RAD18: variants seen among roughly 807,000 people sequenced by gnomAD.
RAD18 encodes the protein E3 ubiquitin-protein ligase RAD18.
In RAD18, 47 loss-of-function variants were observed where a neutral mutation model predicts 60.4. That is an observed-to-expected ratio of 0.78 (90% CI 0.62 to 0.99). The LOEUF (loss-of-function observed/expected upper bound fraction) is 0.99. Ranked by LOEUF, RAD18 falls within the 50% of genes least tolerant of loss-of-function variation. The pLI is 0.00. For synonymous variants in RAD18, 225 were observed against 195.5 expected (o/e 1.15, Z -1.26); for missense variants, 640 against 593.3 (o/e 1.08, Z -0.82).
At chr3:8,889,251 T>G (rs1939638942) in intron 12 of RAD18, among the ~76,000 whole-genome samples, 1 of 152,218 alleles carries the variant, frequency 6.6e-6, no homozygotes, top group African/African-American at 2.4e-5. Context: ...ACAATTAGGT[T>G]AGAATCTCAT....
At chr3:8,951,936 G>A (rs1239131440) in intron 2 of RAD18, among the ~76,000 whole-genome samples, 3 of 152,198 alleles carry the variant, frequency 2.0e-5, no homozygotes, top group African/African-American at 7.2e-5. Flanking sequence ...CCTCCCATGA[G>A]GGGGTGAGGA....
At chr3:8,881,723 G>A (rs1939466491) in intron 12 of RAD18, among the ~76,000 whole-genome samples, 1 of 152,102 alleles carries the variant, frequency 6.6e-6, no homozygotes, top group African/African-American at 2.4e-5. Context: ...AGCATGTAGA[G>A]GGCTGGGAAA....
chr3:8,917,988 T>C (rs948363380), intron 7 of RAD18, among the ~76,000 whole-genome samples: 10 of 152,088 alleles, frequency 6.6e-5, no homozygotes, highest in African/African-American at 2.2e-4. Flanking sequence ...TGAGGCGCAA[T>C]AGGCTCCAGA....
At chr3:8,918,839 C>T (rs887672102) in intron 7 of RAD18, among the ~76,000 whole-genome samples, 1 of 152,176 alleles carries the variant, frequency 6.6e-6, no homozygotes, top group Non-Finnish European at 1.5e-5. Context: ...TACCCATCAA[C>T]CAGAGGTGGA....
intron 10 of RAD18, among the ~76,000 whole-genome samples, chr3:8,901,097 T>C (rs960418998): frequency 2.0e-5 from 3 of 152,202 alleles, no homozygotes; most frequent in Non-Finnish European, 4.4e-5. Flanking sequence ...TATTAGTCAC[T>C]AGGGAAATGC....
rs567450626 is a variant in RAD18, at chr3:8,932,330, A to C, written c.889+3541T>G. Among the ~76,000 whole-genome samples the C allele has an allele frequency of 9.2e-4, 140 of 152,320 alleles. 1 individual carries two copies. Among genetic ancestry groups the C allele is most frequent in the Non-Finnish European group, 1.6e-4 (11 of 68,026 alleles). On this transcript the variant is annotated intron_variant, in intron 7 of 12. Coordinates refer to ENST00000264926, the MANE Select transcript of RAD18 (RefSeq NM_020165.4). Reference sequence around the variant, plus strand: ...ATATAAATAACTTACAAATCAATAAAAAGAGTTAAGGGGCAGAATATTTCA... The same window carrying C: ...ATATAAATAACTTACAAATCAATAACAAGAGTTAAGGGGCAGAATATTTCA...
chr3:8,900,531 T>C (rs898510153), intron 10 of RAD18, among the ~76,000 whole-genome samples: 2 of 152,186 alleles, frequency 1.3e-5, no homozygotes, highest in Non-Finnish European at 2.9e-5. Context: ...TCTGTGGGCA[T>C]AAAAAATAAG....
At chr3:8,945,439 G>T (rs1294626397) in intron 4 of RAD18, among the ~76,000 whole-genome samples, 6 of 150,088 alleles carry the variant, frequency 4.0e-5, no homozygotes, top group African/African-American at 1.5e-4. Context: ...CCCTGTGTGG[G>T]CCTAGGCTAA....
intron 7 of RAD18, among the ~76,000 whole-genome samples, chr3:8,932,963 G>A (rs1940585132): frequency 6.6e-6 from 1 of 152,070 alleles, no homozygotes; most frequent in Non-Finnish European, 1.5e-5. Context: ...GGGCGTGCTG[G>A]CAGGCACCTG....
At chr3:8,901,079 A>C (rs1445171997) in intron 10 of RAD18, among the ~76,000 whole-genome samples, 1 of 152,240 alleles carries the variant, frequency 6.6e-6, no homozygotes, top group East Asian at 1.9e-4. Context: ...CTTTATGCAC[A>C]AATTGTTTAT....
At chr3:8,937,669 C>T (rs1940676152) in intron 6 of RAD18, among the ~76,000 whole-genome samples, 1 of 152,156 alleles carries the variant, frequency 6.6e-6, no homozygotes, top group African/African-American at 2.4e-5. Context: ...TCTCCACAAA[C>T]ACCAGTTTTG....
At chr3:8,931,861 G>C (rs1940563740) in intron 7 of RAD18, among the ~76,000 whole-genome samples, 2 of 152,176 alleles carry the variant, frequency 1.3e-5, no homozygotes, top group Admixed American at 6.5e-5. Flanking sequence ...ATGGCCGTTA[G>C]GATTTGACAA....
intron 9 of RAD18, among the ~76,000 whole-genome samples, chr3:8,907,218 C>T (rs1940024241): frequency 6.6e-6 from 1 of 152,226 alleles, no homozygotes; most frequent in African/African-American, 2.4e-5. Context: ...TTGCTTACCT[C>T]TCAAGGATCC....
At chr3:8,887,569 C>A (rs573459091) in intron 12 of RAD18, among the ~76,000 whole-genome samples, 1 of 152,120 alleles carries the variant, frequency 6.6e-6, no homozygotes, top group African/African-American at 2.4e-5. Context: ...TTTTGGTTGG[C>A]GTATCATTTG....
Position 8,880,610 on chromosome 3 carries a change from G to T in RAD18, c.*747C>A, listed in dbSNP as rs1242516449. The stretch of plus-strand genomic sequence containing the variant: ...AAAATTCATTCATTGCATACTTTTT[G>T]TTTAATAGCTTGGATTCAGTGTTAC... On this transcript the variant is annotated 3_prime_UTR_variant, in exon 13 of 13. Transcript: ENST00000264926. 6.6e-6 allele frequency: 1 copy of T among 152,060 alleles called. No homozygotes were observed. The highest frequency in any genetic ancestry group is 2.4e-5 in the African/African-American group (1 of 41,426). 9.4% of individuals were successfully genotyped at this position (152,060 alleles called of 1,614,324 possible).
intron 7 of RAD18, among the ~76,000 whole-genome samples, chr3:8,930,768 T>C (rs1940539755): frequency 6.6e-6 from 1 of 152,176 alleles, no homozygotes; most frequent in African/African-American, 2.4e-5. Context: ...AGTGAAAGAC[T>C]AAATGTTTTA....
chr3:8,958,824 G>T, intron 2 of RAD18, 96 bp downstream of exon 2: 1 of 965,616 alleles, frequency 1.0e-6, no homozygotes, highest in Non-Finnish European at 1.6e-6. Context: ...AGCTAAAGGT[G>T]AAACATAAAT....
chr3:8,955,126 T>TTTC (rs2124844067), intron 2 of RAD18, among the ~76,000 whole-genome samples: 1 of 151,992 alleles, frequency 6.6e-6, no homozygotes, highest in East Asian at 1.9e-4. Context: ...GAGAAACTGG[T>TTTC]TTCTGAGCTG....
chr3:8,917,311 T>C (rs1216901672), intron 7 of RAD18, among the ~76,000 whole-genome samples: 1 of 152,172 alleles, frequency 6.6e-6, no homozygotes, highest in East Asian at 1.9e-4. Context: ...TTAAAACAAG[T>C]TCTTCAATTA....
Sources: gnomAD v4.1 joint callset for allele counts (sites outside exome capture counted in the v4.1 genomes callset) on GRCh38, gnomAD v4.1.1 for gene constraint, MANE v1.5 for transcripts, NCBI Gene and HGNC (gene_info 2026-07-23, HGNC 2026-07-21) for gene names.